Variants in CFAP299 observed in about 807,000 individuals in gnomAD.
CFAP299 encodes the protein cilia and flagella associated protein 299.
Under a neutral mutation model 27.0 loss-of-function variants are expected in CFAP299, and 21 were observed. The ratio of observed to expected loss-of-function variants is 0.78; its 90% confidence interval spans 0.55 to 1.12. The LOEUF is 1.12. CFAP299 is among the 50% of genes most tolerant of loss of function. CFAP299 has a pLI of 0.00. For missense variants in CFAP299, 310 were observed against 276.6 expected, an observed-to-expected ratio of 1.12 and a Z score of -0.86; for synonymous variants, 104 against 98.1, an observed-to-expected ratio of 1.06 and a Z score of -0.36.
chr4:80,914,492 A>G (rs781699130), intron 4 of CFAP299, among the ~76,000 whole-genome samples: 1 of 152,128 alleles, frequency 6.6e-6, no homozygotes, highest in Non-Finnish European at 1.5e-5. Context: ...GATGTCAGTT[A>G]GCATCCCTCC....
At chr4:80,453,642 A>T (rs1230988926) in intron 2 of CFAP299, among the ~76,000 whole-genome samples, 8 of 152,006 alleles carry the variant, frequency 5.3e-5, no homozygotes, top group Admixed American at 2.0e-4. Context: ...GGAGTTCGAG[A>T]CCAGCCTGGC....
intron 3 of CFAP299, among the ~76,000 whole-genome samples, chr4:80,694,235 C>T (rs1035806294): frequency 6.6e-6 from 1 of 152,158 alleles, no homozygotes; most frequent in African/African-American, 2.4e-5. Flanking sequence ...CCCTGCATTT[C>T]ACCCTTTGAG....
At chr4:80,615,924 G>C (rs1006568180) in intron 3 of CFAP299, among the ~76,000 whole-genome samples, 7 of 152,066 alleles carry the variant, frequency 4.6e-5, no homozygotes, top group Admixed American at 2.0e-4. Context: ...TGCAGGGGCA[G>C]TCACTCTCAC....
At chr4:80,955,757 T>C (rs1738034453) in intron 5 of CFAP299, among the ~76,000 whole-genome samples, 1 of 152,116 alleles carries the variant, frequency 6.6e-6, no homozygotes, top group Admixed American at 6.6e-5. Flanking sequence ...ATCTCAGCAC[T>C]TTGGGAGGCT....
chr4:80,804,614 G>A (rs1397096806), intron 3 of CFAP299, among the ~76,000 whole-genome samples: 1 of 152,020 alleles, frequency 6.6e-6, no homozygotes, highest in Non-Finnish European at 1.5e-5. Flanking sequence ...TTGAGATCCT[G>A]TTTTCGATAT....
At chr4:80,688,376 C>T (rs1465404098) in intron 3 of CFAP299, among the ~76,000 whole-genome samples, 2 of 150,056 alleles carry the variant, frequency 1.3e-5, no homozygotes, top group Non-Finnish European at 3.0e-5. Flanking sequence ...AAGTGGGTCC[C>T]TGACCCCTGA....
At chr4:80,706,638 G>A (rs760078001) in intron 3 of CFAP299, among the ~76,000 whole-genome samples, 1 of 151,814 alleles carries the variant, frequency 6.6e-6, no homozygotes, top group Non-Finnish European at 1.5e-5. Context: ...ATATGTGTGT[G>A]TGAATATCTA....
At chr4:80,550,433 A>G (rs1487322463) in intron 2 of CFAP299, among the ~76,000 whole-genome samples, 1 of 152,070 alleles carries the variant, frequency 6.6e-6, no homozygotes, top group Admixed American at 6.6e-5. Flanking sequence ...ACCTTTATCT[A>G]CATATGTTTG....
At chr4:80,574,363 A>T (rs1274600758) in intron 2 of CFAP299, among the ~76,000 whole-genome samples, 1 of 152,146 alleles carries the variant, frequency 6.6e-6, no homozygotes, top group Non-Finnish European at 1.5e-5. Flanking sequence ...TGGAGTCTTT[A>T]GGTCTTTCCA....
chr4:80,696,545 G>A (rs1721105729), intron 3 of CFAP299, among the ~76,000 whole-genome samples: 1 of 152,044 alleles, frequency 6.6e-6, no homozygotes, highest in Non-Finnish European at 1.5e-5. Context: ...TAGCACAATA[G>A]TAAAAATACT....
chr4:80,812,538 C>T (rs1009685435), intron 3 of CFAP299, among the ~76,000 whole-genome samples: 8 of 152,182 alleles, frequency 5.3e-5, no homozygotes, highest in Non-Finnish European at 7.4e-5. Context: ...TATTTACTTA[C>T]TAAGTAATAA....
chr4:80,881,295 A>G (rs1191294249), intron 4 of CFAP299, among the ~76,000 whole-genome samples: 1 of 152,208 alleles, frequency 6.6e-6, no homozygotes, highest in Non-Finnish European at 1.5e-5. Flanking sequence ...TCCAGAAAAG[A>G]CAGAAAGAAG....
chr4:80,361,721 C>G (rs1723556117), intron 1 of CFAP299, among the ~76,000 whole-genome samples: 1 of 152,078 alleles, frequency 6.6e-6, no homozygotes, highest in Non-Finnish European at 1.5e-5. Flanking sequence ...GGTTTCTAGG[C>G]TTACAGTATA....
intron 2 of CFAP299, among the ~76,000 whole-genome samples, chr4:80,504,530 A>C (rs1412379648): frequency 1.6e-5 from 2 of 125,832 alleles, no homozygotes; most frequent in African/African-American, 5.9e-5. Context: ...AATGCAATGA[A>C]TTCTTTTTAA....
chr4:80,346,285 C>T (rs1005353503), intron 1 of CFAP299, among the ~76,000 whole-genome samples: 2 of 152,144 alleles, frequency 1.3e-5, no homozygotes, highest in African/African-American at 4.8e-5. Flanking sequence ...TTAATGAGAT[C>T]CCATTTGTCT....
chr4:80,753,884 C>G (rs1725079042), intron 3 of CFAP299, among the ~76,000 whole-genome samples: 1 of 152,140 alleles, frequency 6.6e-6, no homozygotes, highest in South Asian at 2.1e-4. Flanking sequence ...GCTAAAATTA[C>G]CCCCCTAAAT....
At chr4:80,630,910 A>T (rs1172101743) in intron 3 of CFAP299, among the ~76,000 whole-genome samples, 1 of 152,110 alleles carries the variant, frequency 6.6e-6, no homozygotes, top group Non-Finnish European at 1.5e-5. Flanking sequence ...ATTAATTAGG[A>T]TTTAAATGAA....
intron 3 of CFAP299, among the ~76,000 whole-genome samples, chr4:80,770,295 A>T (rs1380425383): frequency 2.0e-5 from 3 of 152,132 alleles, no homozygotes; most frequent in Non-Finnish European, 4.4e-5. Context: ...TCTGGCTTGA[A>T]TGAGAGGATA....
intron 3 of CFAP299, among the ~76,000 whole-genome samples, chr4:80,851,800 T>C (rs1731540626): frequency 6.6e-6 from 1 of 152,152 alleles, no homozygotes; most frequent in Non-Finnish European, 1.5e-5. Context: ...GGTATTGGAA[T>C]GACATCACGG....
Sources: gnomAD v4.1 joint callset for allele counts (sites outside exome capture counted in the v4.1 genomes callset) on GRCh38, gnomAD v4.1.1 for gene constraint, MANE v1.5 for transcripts, NCBI Gene and HGNC (gene_info 2026-07-23, HGNC 2026-07-21) for gene names.